ERAP1: variants seen among roughly 807,000 people sequenced by gnomAD.
ERAP1 encodes the protein adipocyte-derived leucine aminopeptidase.
In ERAP1, 86 loss-of-function variants were observed where a neutral mutation model predicts 103.7. That is an observed-to-expected ratio of 0.83 (90% CI 0.70 to 0.99). The LOEUF (loss-of-function observed/expected upper bound fraction) is 0.99, where lower values mean the gene tolerates loss of function less well. Among genes scored for constraint, ERAP1 ranks in the 50% least tolerant of loss-of-function variants. ERAP1 has a pLI of 0.00. For missense variants in ERAP1, 1,009 were observed against 1,128.4 expected (o/e 0.89, Z 1.52); for synonymous variants, 398 against 402.4 (o/e 0.99, Z 0.13).
At chr5:96,798,581 C>CTT (rs3076631) in intron 3 of ERAP1, among the ~76,000 whole-genome samples, 34,698 of 149,160 alleles carry the variant, frequency 0.23, 4,183 homozygotes, top group African/African-American at 0.28. Context: ...CTGACCTCAT[C>CTT]TTTTTTTTTT....
At chr5:96,932,894 G>A in the ERAP1 span, among the ~76,000 whole-genome samples, 1 of 152,182 alleles carries the variant, frequency 6.6e-6, no homozygotes, top group African/African-American at 2.4e-5. Flanking sequence ...TCCGAAGACA[G>A]TAGATGGGTA....
chr5:96,792,255 G>A (rs1366045056), intron 7 of ERAP1, 63 bp from the exon 8 acceptor site: 2 of 1,549,566 alleles, frequency 1.3e-6, no homozygotes, highest in South Asian at 1.1e-5. Context: ...AATGTCAAAG[G>A]TGGGACATTT....
At chr5:96,932,276 T>G in the ERAP1 span, among the ~76,000 whole-genome samples, 1 of 152,346 alleles carries the variant, frequency 6.6e-6, no homozygotes, top group African/African-American at 2.4e-5. Flanking sequence ...CTTCCTCCAT[T>G]TATTCGAGTG....
chr5:96,857,541 T>G, the ERAP1 span, among the ~76,000 whole-genome samples: 1 of 152,056 alleles, frequency 6.6e-6, no homozygotes, highest in Non-Finnish European at 1.5e-5. Context: ...TGCAACCACA[T>G]AAAGCATGGG....
At chr5:96,891,751 A>C in the ERAP1 span, among the ~76,000 whole-genome samples, 1 of 150,490 alleles carries the variant, frequency 6.6e-6, no homozygotes, top group East Asian at 1.9e-4. Flanking sequence ...CTGCTGTCTT[A>C]GAAGAACATG....
the ERAP1 span, among the ~76,000 whole-genome samples, chr5:96,817,216 G>T: frequency 6.6e-6 from 1 of 152,306 alleles, no homozygotes; most frequent in East Asian, 1.9e-4. Context: ...CTGCTAGGCA[G>T]TCCCAGGGCA....
chr5:96,761,935 A>G (rs1388686099), exon 20 of ERAP1: 1 of 171,548 alleles, frequency 5.8e-6, no homozygotes, highest in Non-Finnish European at 1.2e-5. Flanking sequence ...CTCACTCACT[A>G]GAACTTATTC....
the ERAP1 span, among the ~76,000 whole-genome samples, chr5:96,838,987 A>G: frequency 6.6e-6 from 1 of 152,236 alleles, no homozygotes; most frequent in Non-Finnish European, 1.5e-5. Context: ...AGCTGGCTAC[A>G]ACTCCAGGAG....
At chr5:96,876,323 A>C in the ERAP1 span, 1 of 152,444 alleles carries the variant, frequency 6.6e-6, no homozygotes, top group Non-Finnish European at 1.5e-5. Flanking sequence ...TCTACTCCAA[A>C]GCCACTTATT....
intron 15 of ERAP1, 95 bp downstream of exon 15, chr5:96,782,952 CACTT>C (rs747207238): frequency 5.1e-6 from 6 of 1,176,562 alleles, no homozygotes; most frequent in Non-Finnish European, 7.6e-6. Flanking sequence ...GCAGGGGAGA[CACTT>C]AAACTTTTTG....
At chr5:96,815,403 T>G in the ERAP1 span, among the ~76,000 whole-genome samples, 2 of 87,768 alleles carry the variant, frequency 2.3e-5, no homozygotes, top group African/African-American at 7.7e-5. Flanking sequence ...TTGTTGTTTG[T>G]TTTGTTTTTT....
chr5:96,776,791 A>AGAC (rs1774386310), intron 18 of ERAP1: 1 of 534,330 alleles, frequency 1.9e-6, no homozygotes, highest in Non-Finnish European at 3.3e-6. Flanking sequence ...AGACTTTAAA[A>AGAC]GACTTCACTG....
chr5:96,932,402 CTAAT>C, the ERAP1 span, among the ~76,000 whole-genome samples: 4 of 152,342 alleles, frequency 2.6e-5, no homozygotes, highest in African/African-American at 7.2e-5. Context: ...GGAATATCAA[CTAAT>C]TAAGTTGGAA....
chr5:96,810,058 G>C (rs1311251507), upstream of ERAP1, among the ~76,000 whole-genome samples: 1 of 152,152 alleles, frequency 6.6e-6, no homozygotes, highest in Non-Finnish European at 1.5e-5. Flanking sequence ...GGCGAGGAGA[G>C]AGCTGACACC....
In ERAP1 at chr5:96,780,414, T is replaced by A. The variant is rs1452802934; in HGVS notation, c.2670+9A>T. 1 of 1,581,304 alleles carries A rather than the reference T, an allele frequency of 6.3e-7. No homozygotes were observed. ...TTTAAAAATATATATATAGATTTTTTTTTTTTACCTCTTCAAGCCGTGTTC... is the reference window on the plus strand; with the variant it reads ...TTTAAAAATATATATATAGATTTTTATTTTTTACCTCTTCAAGCCGTGTTC... On this transcript the variant is annotated intron_variant, in intron 18 of 18. Coordinates refer to ENST00000443439, the MANE Select transcript of ERAP1 (RefSeq NM_001040458.3).
the ERAP1 span, among the ~76,000 whole-genome samples, chr5:96,904,039 A>G: frequency 1.3e-5 from 2 of 152,244 alleles, no homozygotes; most frequent in African/African-American, 2.4e-5. Context: ...ATACCGGTGT[A>G]ATCTCTTAAG....
At chr5:96,891,456 C>A in the ERAP1 span, among the ~76,000 whole-genome samples, 2 of 148,206 alleles carry the variant, frequency 1.3e-5, no homozygotes, top group African/African-American at 2.5e-5. Context: ...TATATACACA[C>A]ACACACATAT....
chr5:96,923,450 T>C, the ERAP1 span, among the ~76,000 whole-genome samples: 5 of 152,126 alleles, frequency 3.3e-5, no homozygotes, highest in African/African-American at 1.2e-4. Context: ...ATCTCAGCAC[T>C]TTGGGAGGCC....
At chr5:96,895,105 T>C in the ERAP1 span, 23 of 562,366 alleles carry the variant, frequency 4.1e-5, no homozygotes, top group Non-Finnish European at 7.1e-5. Flanking sequence ...TAGAAGAAAA[T>C]TGTACAGAGA....
Sources: gnomAD v4.1 joint callset for allele counts (sites outside exome capture counted in the v4.1 genomes callset) on GRCh38, gnomAD v4.1.1 for gene constraint, MANE v1.5 for transcripts, NCBI Gene and HGNC (gene_info 2026-07-23, HGNC 2026-07-21) for gene names.